Variants in THSD7B observed in about 807,000 individuals in gnomAD.
The protein encoded by THSD7B is thrombospondin type 1 domain containing 7B, also known as thrombospondin type-1 domain-containing protein 7B.
A neutral mutation model predicts 213.6 loss-of-function variants in THSD7B; 138 were observed. The observed-to-expected ratio is 0.65, with a 90% confidence interval of 0.56 to 0.74. THSD7B has a LOEUF of 0.74. Ranked by LOEUF, THSD7B falls within the 30% of genes least tolerant of loss-of-function variation. The probability of loss-of-function intolerance (pLI) is 0.00; values close to 1 mark genes in which losing one functional copy is unlikely to be tolerated. For missense variants in THSD7B, 1,931 were observed against 1,991.5 expected (o/e 0.97, Z 0.58); for synonymous variants, 742 against 687.0 (o/e 1.08, Z -1.25).
At chr2:137,639,931 C>T (rs1316046766) in intron 20 of THSD7B, among the ~76,000 whole-genome samples, 1 of 152,124 alleles carries the variant, frequency 6.6e-6, no homozygotes, top group Non-Finnish European at 1.5e-5. Flanking sequence ...GTAGAAGGGA[C>T]TTGCCTTGTC....
chr2:137,095,024 G>T lies in THSD7B; in HGVS notation c.1102G>T (p.Val368Leu). The T allele has an allele frequency of 6.2e-7, 1 of 1,613,874 alleles. No individual in the cohort carries two copies. Among genetic ancestry groups the T allele is most frequent in the Non-Finnish European group, 8.5e-7 (1 of 1,179,844 alleles). The change falls in exon 4 of 28, where the codon GTG (valine) becomes TTG (leucine). Residue 368 changes from valine to leucine, a missense_variant. By Grantham distance (32) the Val-to-Leu change is conservative (BLOSUM62 1). Coordinates refer to ENST00000409968, the MANE Select transcript of THSD7B (RefSeq NM_001316349.2). Reference protein sequence around the residue: ...LPGFRSRSRNVKHMAIGGGKE... With the variant: ...LPGFRSRSRNLKHMAIGGGKE... ...AGGATTTAGGAGCAGGAGCCGGAAC[G>T]TGAAGCACATGGCTATTGGAGGTGG...
chr2:137,050,895 A>G (rs932711457), intron 2 of THSD7B, among the ~76,000 whole-genome samples: 1 of 152,194 alleles, frequency 6.6e-6, no homozygotes, highest in Non-Finnish European at 1.5e-5. Flanking sequence ...GTATTATCCA[A>G]TGCGTAACTC....
At chr2:136,995,570 G>A (rs1223153437) in intron 2 of THSD7B, among the ~76,000 whole-genome samples, 1 of 152,042 alleles carries the variant, frequency 6.6e-6, no homozygotes, top group Non-Finnish European at 1.5e-5. Context: ...CCTTGAAATA[G>A]AATGACCCCA....
intron 15 of THSD7B, among the ~76,000 whole-genome samples, chr2:137,471,370 G>A (rs1031438749): frequency 4.6e-5 from 7 of 152,110 alleles, no homozygotes; most frequent in South Asian, 2.1e-4. Flanking sequence ...TATAAAATAC[G>A]TTTTATCCTT....
At chr2:137,208,183 C>A (rs1422580718) in intron 7 of THSD7B, among the ~76,000 whole-genome samples, 2 of 152,056 alleles carry the variant, frequency 1.3e-5, no homozygotes, top group African/African-American at 2.4e-5. Context: ...CATCTAAAGA[C>A]ATATGTGATT....
intron 2 of THSD7B, among the ~76,000 whole-genome samples, chr2:136,968,224 CATT>C (rs1368511455): frequency 6.6e-6 from 1 of 152,104 alleles, no homozygotes; most frequent in Admixed American, 6.6e-5. Context: ...TTCCTATTAG[CATT>C]ATTTGGAGGT....
At chr2:136,776,856 G>A (rs1005314644) in intron 1 of THSD7B, among the ~76,000 whole-genome samples, 6 of 151,882 alleles carry the variant, frequency 4.0e-5, no homozygotes, top group South Asian at 2.1e-4. Context: ...GCTCACACAC[G>A]TATGCACACA....
chr2:137,314,663 A>G (rs375524262), intron 12 of THSD7B, among the ~76,000 whole-genome samples: 1 of 152,060 alleles, frequency 6.6e-6, no homozygotes, highest in Non-Finnish European at 1.5e-5. Flanking sequence ...CTTTGATGAT[A>G]GTGATGTACA....
At chr2:136,817,502 C>T (rs952039616) in intron 1 of THSD7B, among the ~76,000 whole-genome samples, 1 of 151,318 alleles carries the variant, frequency 6.6e-6, no homozygotes, top group African/African-American at 2.4e-5. Context: ...TTAGGTCTAA[C>T]GTTTAAGTCT....
intron 17 of THSD7B, among the ~76,000 whole-genome samples, chr2:137,607,776 C>A (rs570034011): frequency 1.3e-5 from 2 of 152,108 alleles, no homozygotes; most frequent in Non-Finnish European, 2.9e-5. Context: ...ATTGGATATG[C>A]CATACATCAT....
chr2:137,547,829 T>C (rs1210241169), intron 15 of THSD7B, among the ~76,000 whole-genome samples: 3 of 152,004 alleles, frequency 2.0e-5, no homozygotes, highest in Non-Finnish European at 2.9e-5. Context: ...AAGGTTTGTT[T>C]GCAGTGCTGA....
At chr2:136,912,220 G>C (rs1056469044) in intron 2 of THSD7B, among the ~76,000 whole-genome samples, 1 of 150,078 alleles carries the variant, frequency 6.7e-6, no homozygotes, top group Non-Finnish European at 1.5e-5. Context: ...TAGTCATGAG[G>C]CTGAGGCAGG....
intron 12 of THSD7B, among the ~76,000 whole-genome samples, chr2:137,367,986 AT>A (rs1685459698): frequency 6.6e-6 from 1 of 152,104 alleles, no homozygotes; most frequent in African/African-American, 2.4e-5. Flanking sequence ...TATTCAGTCT[AT>A]TACATAACCT....
intron 7 of THSD7B, 110 bp downstream of exon 7, chr2:137,171,048 TTA>T: frequency 8.4e-7 from 1 of 1,192,562 alleles, no homozygotes; most frequent in Non-Finnish European, 1.2e-6. Context: ...ACAGCCTTTC[TTA>T]TCCTTGAATA....
At chr2:136,939,506 T>C (rs1684784942) in intron 2 of THSD7B, among the ~76,000 whole-genome samples, 1 of 152,186 alleles carries the variant, frequency 6.6e-6, no homozygotes, top group African/African-American at 2.4e-5. Context: ...CCCATGATTT[T>C]ATGGGAGAAT....
intron 12 of THSD7B, among the ~76,000 whole-genome samples, chr2:137,320,801 C>CCTT (rs1186189317): frequency 1.3e-5 from 2 of 152,152 alleles, no homozygotes; most frequent in East Asian, 1.9e-4. Flanking sequence ...CCTTGAATGT[C>CCTT]CTTCTTCTTC....
At chr2:137,076,242 G>A (rs1016318948) in intron 3 of THSD7B, among the ~76,000 whole-genome samples, 1 of 152,226 alleles carries the variant, frequency 6.6e-6, no homozygotes, top group Admixed American at 6.5e-5. Context: ...CACCCAGTTC[G>A]AGCTTCCTGG....
chr2:136,790,119 TTGTGTGTG>T (rs34366029), intron 1 of THSD7B, among the ~76,000 whole-genome samples: 1 of 148,046 alleles, frequency 6.8e-6, no homozygotes, highest in Non-Finnish European at 1.5e-5. Flanking sequence ...GTGTGTGTGT[TTGTGTGTG>T]TGTGTGTGTG....
chr2:136,917,169 G>A (rs1182990971), intron 2 of THSD7B, among the ~76,000 whole-genome samples: 2 of 152,072 alleles, frequency 1.3e-5, no homozygotes, highest in African/African-American at 4.8e-5. Flanking sequence ...AAACTTTTCA[G>A]TTTAAGTTAT....
Sources: gnomAD v4.1 joint callset for allele counts (sites outside exome capture counted in the v4.1 genomes callset) on GRCh38, gnomAD v4.1.1 for gene constraint, MANE v1.5 for transcripts, NCBI Gene and HGNC (gene_info 2026-07-23, HGNC 2026-07-21) for gene names.